ADAMTS3: variants seen among roughly 807,000 people sequenced by gnomAD.
ADAMTS3 encodes ADAM metallopeptidase with thrombospondin type 1 motif 3.
ADAMTS3 carries 73 observed loss-of-function variants against 129.0 expected under a neutral mutation model. The observed-to-expected ratio is 0.57, with a 90% CI of 0.47 to 0.69. ADAMTS3 has a LOEUF of 0.69. ADAMTS3 is among the 30% of genes least tolerant of loss of function. The probability of loss-of-function intolerance (pLI) is 0.00; values close to 1 mark genes in which losing one functional copy is unlikely to be tolerated. For missense variants in ADAMTS3, 1,457 were observed against 1,514.5 expected (o/e 0.96, Z 0.63); for synonymous variants, 477 against 510.8 (o/e 0.93, Z 0.89).
At chr4:72,560,668 C>T (rs753822149) in intron 2 of ADAMTS3, among the ~76,000 whole-genome samples, 5 of 152,022 alleles carry the variant, frequency 3.3e-5, no homozygotes, top group Admixed American at 2.0e-4. Flanking sequence ...GGGAGCAACA[C>T]ACGCTGGGGC....
intron 3 of ADAMTS3, among the ~76,000 whole-genome samples, chr4:72,522,844 T>C (rs1285028491): frequency 6.6e-6 from 1 of 152,088 alleles, no homozygotes; most frequent in East Asian, 1.9e-4. Context: ...TCAGACAGTG[T>C]TTGAAAAAAG....
chr4:72,410,326 A>T (rs1722155772), intron 4 of ADAMTS3, among the ~76,000 whole-genome samples: 2 of 152,160 alleles, frequency 1.3e-5, no homozygotes, highest in Non-Finnish European at 2.9e-5. Flanking sequence ...CCCACCTGGG[A>T]CAAAAACACG....
At chr4:72,534,097 G>A (rs1721125366) in intron 3 of ADAMTS3, among the ~76,000 whole-genome samples, 1 of 152,152 alleles carries the variant, frequency 6.6e-6, no homozygotes, top group Admixed American at 6.5e-5. Flanking sequence ...GGAGGCCAAG[G>A]TGGGTGGATC....
chr4:72,448,820 G>A (rs916141889), intron 3 of ADAMTS3, among the ~76,000 whole-genome samples: 2 of 151,328 alleles, frequency 1.3e-5, no homozygotes, highest in Non-Finnish European at 3.0e-5. Context: ...GAAGTGCATT[G>A]GTGTTTAATT....
chr4:72,512,478 C>T (rs1162554682), intron 3 of ADAMTS3, among the ~76,000 whole-genome samples: 1 of 152,078 alleles, frequency 6.6e-6, no homozygotes, highest in Non-Finnish European at 1.5e-5. Context: ...GGCAACAGAG[C>T]AAGACTCCGT....
chr4:72,520,104 T>C (rs1018073193), intron 3 of ADAMTS3, among the ~76,000 whole-genome samples: 38 of 152,244 alleles, frequency 2.5e-4, no homozygotes, highest in Non-Finnish European at 5.3e-4. Context: ...AGAGGTCCAC[T>C]TCAGACCCTG....
chr4:72,421,423 C>T (rs571057930), intron 3 of ADAMTS3, among the ~76,000 whole-genome samples: 4 of 152,258 alleles, frequency 2.6e-5, no homozygotes, highest in South Asian at 4.1e-4. Flanking sequence ...AGGTGCATAA[C>T]ACTTGAGGGA....
chr4:72,535,862 A>C (rs1721173681), intron 3 of ADAMTS3, among the ~76,000 whole-genome samples: 2 of 152,170 alleles, frequency 1.3e-5, no homozygotes, highest in Admixed American at 6.5e-5. Context: ...TGATGCCATA[A>C]AACCCTTTAC....
chr4:72,335,359 A>G (rs1578592018), intron 5 of ADAMTS3, among the ~76,000 whole-genome samples: 1 of 152,332 alleles, frequency 6.6e-6, no homozygotes, highest in East Asian at 1.9e-4. Context: ...TCGTTAGGAA[A>G]TACGGCCCTG....
chr4:72,433,095 T>C (rs1310322713), intron 3 of ADAMTS3, among the ~76,000 whole-genome samples: 1 of 151,916 alleles, frequency 6.6e-6, no homozygotes, highest in Admixed American at 6.6e-5. Context: ...TGACTTTTTT[T>C]CCCGATAATC....
chr4:72,319,185 G>C (rs570277031), intron 9 of ADAMTS3, 147 bp downstream of exon 9: 1 of 885,344 alleles, frequency 1.1e-6, no homozygotes, highest in East Asian at 2.9e-5. Flanking sequence ...TAAAATTTTT[G>C]TGCTGAATGT....
At position 72,374,127 on chromosome 4, in the gene ADAMTS3, T is replaced by A. The variant is rs562646479; in HGVS notation, c.662-34434A>T. Among the ~76,000 whole-genome samples the A allele has an allele frequency of 2.1e-4, 32 of 152,148 alleles. No homozygotes were observed. In the Middle Eastern group the frequency reaches 0.01, roughly 49 times the overall value. ...TATTTCTTCATTTCCCCAGACAGAA[T>A]AAACAAGTTTTTGAAGCTTACGGCC... On this transcript the variant is annotated intron_variant, in intron 4 of 21. Coordinates refer to ENST00000286657, the MANE Select transcript of ADAMTS3 (RefSeq NM_014243.3).
chr4:72,323,396 A>G (rs1194861318), intron 5 of ADAMTS3, among the ~76,000 whole-genome samples: 1 of 152,224 alleles, frequency 6.6e-6, no homozygotes, highest in Non-Finnish European at 1.5e-5. Flanking sequence ...TCCAAATATA[A>G]CATTAGCCAA....
chr4:72,294,325 T>C (rs1448607565), intron 19 of ADAMTS3, among the ~76,000 whole-genome samples: 1 of 151,960 alleles, frequency 6.6e-6, no homozygotes, highest in South Asian at 2.1e-4. Context: ...TGGAAAGATG[T>C]TGGTCAAGGG....
At chr4:72,424,159 A>AT (rs1394587418) in intron 3 of ADAMTS3, among the ~76,000 whole-genome samples, 1 of 152,140 alleles carries the variant, frequency 6.6e-6, no homozygotes, top group Non-Finnish European at 1.5e-5. Context: ...TCATTCAATA[A>AT]TAACCCTTCC....
intron 3 of ADAMTS3, among the ~76,000 whole-genome samples, chr4:72,505,154 C>A (rs115680528): frequency 0.019 from 2,835 of 152,230 alleles, 55 homozygotes; most frequent in Admixed American, 0.032. Context: ...TGTCAGAATT[C>A]TTGTGCTAGT....
At chr4:72,521,760 C>A (rs1199721870) in intron 3 of ADAMTS3, among the ~76,000 whole-genome samples, 5 of 152,148 alleles carry the variant, frequency 3.3e-5, no homozygotes, top group Non-Finnish European at 2.9e-5. Flanking sequence ...TTAATCATAT[C>A]TCTTAATTAG....
chr4:72,394,773 G>A (rs1721684079), intron 4 of ADAMTS3, among the ~76,000 whole-genome samples: 1 of 152,102 alleles, frequency 6.6e-6, no homozygotes, highest in Non-Finnish European at 1.5e-5. Context: ...TCATACACTT[G>A]AAAGGAAACC....
chr4:72,537,328 T>C, intron 3 of ADAMTS3, among the ~76,000 whole-genome samples: 1 of 152,238 alleles, frequency 6.6e-6, no homozygotes, highest in Admixed American at 6.5e-5. Flanking sequence ...TAGCCTTTTT[T>C]GTTACTCCCT....
Sources: gnomAD v4.1 joint callset for allele counts (sites outside exome capture counted in the v4.1 genomes callset) on GRCh38, gnomAD v4.1.1 for gene constraint, MANE v1.5 for transcripts, NCBI Gene and HGNC (gene_info 2026-07-23, HGNC 2026-07-21) for gene names.